Variants in AGTPBP1 observed in about 807,000 individuals in gnomAD.
The protein encoded by AGTPBP1 is ATP/GTP binding carboxypeptidase 1, also known as cytosolic carboxypeptidase 1.
Under a neutral mutation model 143.9 loss-of-function variants are expected in AGTPBP1, and 70 were observed. That is an observed-to-expected ratio of 0.49 (90% CI 0.40 to 0.59). The LOEUF is 0.59. Among genes scored for constraint, AGTPBP1 ranks in the 20% least tolerant of loss-of-function variants. The probability of loss-of-function intolerance (pLI) is 0.00; values close to 1 mark genes in which losing one functional copy is unlikely to be tolerated. For synonymous variants in AGTPBP1, 463 were observed against 500.2 expected (o/e 0.93, Z 0.99); for missense variants, 1,229 against 1,464.5 (o/e 0.84, Z 2.62).
At chr9:85,762,470 AGGGACATG>A in the AGTPBP1 span, among the ~76,000 whole-genome samples, 1 of 152,160 alleles carries the variant, frequency 6.6e-6, no homozygotes, top group Non-Finnish European at 1.5e-5. Flanking sequence ...TGTCCTTTGT[AGGGACATG>A]GATGAAGCTG....
chr9:85,642,758 T>C (rs1832567537), intron 13 of AGTPBP1, 69 bp downstream of exon 13: 4 of 1,201,964 alleles, frequency 3.3e-6, no homozygotes, highest in Non-Finnish European at 4.8e-6. Context: ...ACAGTGATTA[T>C]CGACCTAAGG....
chr9:85,764,878 C>T, the AGTPBP1 span: 1 of 1,262,286 alleles, frequency 7.9e-7, no homozygotes, highest in Non-Finnish European at 1.2e-6. Context: ...AACGAAGACA[C>T]ATTTTTAAGA....
chr9:85,640,698 T>A (rs200515457), intron 13 of AGTPBP1, among the ~76,000 whole-genome samples: 2 of 148,458 alleles, frequency 1.3e-5, no homozygotes, highest in East Asian at 4.1e-4. Context: ...AAACTATAAT[T>A]AGAAAACAGG....
At chr9:85,618,520 A>G (rs181240350) in intron 17 of AGTPBP1, among the ~76,000 whole-genome samples, 19 of 152,152 alleles carry the variant, frequency 1.2e-4, no homozygotes, top group Non-Finnish European at 2.6e-4. Flanking sequence ...AATATTAGCA[A>G]TTTATACACA....
At chr9:85,739,984 A>G (rs775188836) in intron 1 of AGTPBP1, among the ~76,000 whole-genome samples, 28 of 151,700 alleles carry the variant, frequency 1.8e-4, no homozygotes, top group Admixed American at 4.6e-4. Flanking sequence ...AGCCTGGGCG[A>G]GAGAGTGAGA....
At chr9:85,650,461 A>C (rs1833091904) in intron 11 of AGTPBP1, among the ~76,000 whole-genome samples, 1 of 152,188 alleles carries the variant, frequency 6.6e-6, no homozygotes, top group Non-Finnish European at 1.5e-5. Flanking sequence ...TGACTTTTCA[A>C]ATAACATTTT....
chr9:85,732,777 G>A (rs995825621), intron 1 of AGTPBP1, among the ~76,000 whole-genome samples: 4 of 152,024 alleles, frequency 2.6e-5, no homozygotes, highest in African/African-American at 7.3e-5. Context: ...GAACGTGAAA[G>A]AATGGAAGAA....
At chr9:85,774,096 G>A in the AGTPBP1 span, 1 of 1,126,454 alleles carries the variant, frequency 8.9e-7, no homozygotes, top group Non-Finnish European at 1.3e-6. Flanking sequence ...ACTGAAGGAA[G>A]ATAGGACAGA....
the AGTPBP1 span, among the ~76,000 whole-genome samples, chr9:85,752,789 C>T: frequency 2.0e-5 from 3 of 152,100 alleles, no homozygotes; most frequent in East Asian, 1.9e-4. Context: ...GGAGCATCAC[C>T]GGAGGCCAGG....
the AGTPBP1 span, among the ~76,000 whole-genome samples, chr9:85,805,076 G>C: frequency 6.6e-6 from 1 of 152,172 alleles, no homozygotes; most frequent in South Asian, 2.1e-4. Context: ...TGACCCCGAA[G>C]ACCGTGGCGC....
chr9:85,678,410 AGTTT>A lies in AGTPBP1; in HGVS notation c.226-16_226-13del. On this transcript the variant is annotated splice_polypyrimidine_tract_variant and intron_variant, in intron 4 of 25. Coordinates refer to ENST00000357081, the MANE Select transcript of AGTPBP1 (RefSeq NM_001330701.2). ...AGATCTTTTGTGTTCTGAAATAAAT[AGTTT>A]GTTTTATTAAAACATTGTAAACTTT... The A allele has an allele frequency of 2.0e-6, 3 of 1,531,282 alleles. No homozygotes were observed. The highest frequency in any genetic ancestry group is 2.7e-6 in the Non-Finnish European group (3 of 1,120,700). The allele number at this position is 1,531,282 out of a possible 1,614,324, so 94.9% of individuals were successfully genotyped here.
At chr9:85,644,449 G>T (rs993289474) in intron 12 of AGTPBP1, among the ~76,000 whole-genome samples, 3 of 147,776 alleles carry the variant, frequency 2.0e-5, no homozygotes, top group African/African-American at 7.4e-5. Flanking sequence ...AAAAAAAAAG[G>T]CTTTACCTGT....
chr9:85,764,178 C>T, the AGTPBP1 span, among the ~76,000 whole-genome samples: 7 of 151,748 alleles, frequency 4.6e-5, no homozygotes, highest in Admixed American at 2.0e-4. Context: ...TGGCAGTAAA[C>T]TCAGAGTTTA....
chr9:85,573,974 C>T (rs1827719558), intron 25 of AGTPBP1, among the ~76,000 whole-genome samples: 1 of 152,192 alleles, frequency 6.6e-6, no homozygotes, highest in Non-Finnish European at 1.5e-5. Flanking sequence ...GAGGTGTACC[C>T]AGCAGCTCAC....
At chr9:85,711,856 G>A (rs1444915965) in intron 2 of AGTPBP1, among the ~76,000 whole-genome samples, 2 of 152,132 alleles carry the variant, frequency 1.3e-5, no homozygotes, top group Non-Finnish European at 2.9e-5. Context: ...CAGACAATAT[G>A]TAAATGAATT....
the AGTPBP1 span, among the ~76,000 whole-genome samples, chr9:85,801,109 C>T: frequency 2.0e-5 from 3 of 151,980 alleles, no homozygotes; most frequent in East Asian, 3.9e-4. Flanking sequence ...GTCAGGAGTT[C>T]GTAACTAGCC....
chr9:85,644,148 T>G (rs972609530), intron 12 of AGTPBP1, among the ~76,000 whole-genome samples: 1 of 152,016 alleles, frequency 6.6e-6, no homozygotes, highest in East Asian at 1.9e-4. Flanking sequence ...GAAAAAGATT[T>G]TCCTCATTGA....
chr9:85,554,612 C>A (rs201253386), intron 25 of AGTPBP1, among the ~76,000 whole-genome samples: 1 of 152,104 alleles, frequency 6.6e-6, no homozygotes. Flanking sequence ...GCAATCTGCC[C>A]TACTCTAAAA....
the AGTPBP1 span, among the ~76,000 whole-genome samples, chr9:85,771,393 A>G: frequency 6.6e-6 from 1 of 152,114 alleles, no homozygotes; most frequent in Non-Finnish European, 1.5e-5. Flanking sequence ...GGAGGATCAC[A>G]TGAGCCCAGC....
Sources: gnomAD v4.1 joint callset for allele counts (sites outside exome capture counted in the v4.1 genomes callset) on GRCh38, gnomAD v4.1.1 for gene constraint, MANE v1.5 for transcripts, NCBI Gene and HGNC (gene_info 2026-07-23, HGNC 2026-07-21) for gene names.